The following CDH13 variants were observed in gnomAD, a reference collection of about 807,000 sequenced individuals.
CDH13 encodes cadherin-13.
CDH13 carries 24 observed loss-of-function variants against 63.8 expected under a neutral mutation model. That is an observed-to-expected ratio of 0.38 (90% CI 0.27 to 0.53). The LOEUF (loss-of-function observed/expected upper bound fraction) is 0.53, where lower values mean the gene tolerates loss of function less well. CDH13 is among the 20% of genes least tolerant of loss of function. The probability of loss-of-function intolerance (pLI) is 0.85; values close to 1 mark genes in which losing one functional copy is unlikely to be tolerated. For synonymous variants in CDH13, 503 were observed against 355.3 expected, an observed-to-expected ratio of 1.42 and a Z score of -4.67; for missense variants, 1,049 against 903.1, an observed-to-expected ratio of 1.16 and a Z score of -2.07.
intron 6 of CDH13, among the ~76,000 whole-genome samples, chr16:83,400,087 G>A (rs2091945212): frequency 6.6e-6 from 1 of 151,756 alleles, no homozygotes; most frequent in Admixed American, 6.6e-5. Flanking sequence ...AATTAGAAGG[G>A]AAGGAGCATG....
intron 2 of CDH13, among the ~76,000 whole-genome samples, chr16:82,906,867 C>G (rs1444948401): frequency 1.3e-5 from 2 of 152,174 alleles, no homozygotes; most frequent in African/African-American, 4.8e-5. Context: ...TCTTCTGCCT[C>G]TCTGTCTGTG....
intron 5 of CDH13, among the ~76,000 whole-genome samples, chr16:83,342,843 G>GTT (rs778316746): frequency 0.085 from 5,557 of 65,114 alleles, 328 homozygotes; most frequent in African/African-American, 0.15. Context: ...TTTTGTTTCT[G>GTT]TTTTTTTTTT....
chr16:83,138,435 AAGAGC>A (rs1172104480), intron 4 of CDH13, among the ~76,000 whole-genome samples: 1 of 152,180 alleles, frequency 6.6e-6, no homozygotes, highest in Admixed American at 6.5e-5. Flanking sequence ...AAGGACGCCT[AAGAGC>A]AGGCAACGCG....
At chr16:83,309,801 C>A (rs1306450859) in intron 5 of CDH13, among the ~76,000 whole-genome samples, 2 of 151,670 alleles carry the variant, frequency 1.3e-5, no homozygotes, top group Non-Finnish European at 2.9e-5. Context: ...TGCTATAACT[C>A]CCATGGGATT....
At chr16:83,485,099 T>C (rs1218976525) in intron 6 of CDH13, among the ~76,000 whole-genome samples, 2 of 152,232 alleles carry the variant, frequency 1.3e-5, no homozygotes, top group Non-Finnish European at 2.9e-5. Flanking sequence ...TACAGTCTTT[T>C]TAAGCTGCTG....
intron 2 of CDH13, among the ~76,000 whole-genome samples, chr16:82,881,150 A>C (rs2040688303): frequency 1.3e-5 from 2 of 152,158 alleles, no homozygotes; most frequent in African/African-American, 4.8e-5. Context: ...GCAAAGGGTG[A>C]TCAATGGCTG....
chr16:83,603,237 T>C (rs764673474), intron 8 of CDH13, among the ~76,000 whole-genome samples: 5 of 152,234 alleles, frequency 3.3e-5, no homozygotes, highest in Non-Finnish European at 5.9e-5. Context: ...CACATTCTGA[T>C]GGAAATGTGC....
chr16:83,055,037 C>T (rs2030774193), intron 3 of CDH13, among the ~76,000 whole-genome samples: 1 of 151,836 alleles, frequency 6.6e-6, no homozygotes, highest in Admixed American at 6.6e-5. Flanking sequence ...AACAAAAAAA[C>T]TAAAGGATCC....
At chr16:82,652,697 C>A (rs758288268) in intron 1 of CDH13, among the ~76,000 whole-genome samples, 4 of 150,796 alleles carry the variant, frequency 2.7e-5, no homozygotes, top group Middle Eastern at 3.5e-3. Flanking sequence ...GCCTGCATTA[C>A]CTAGAATTGT....
At chr16:83,090,210 G>A (rs2033824715) in intron 3 of CDH13, among the ~76,000 whole-genome samples, 1 of 152,080 alleles carries the variant, frequency 6.6e-6, no homozygotes, top group East Asian at 1.9e-4. Flanking sequence ...GCTCTTTCGT[G>A]CCTCCAGCCC....
chr16:83,253,215 A>G (rs1905796175), intron 5 of CDH13, among the ~76,000 whole-genome samples: 1 of 152,174 alleles, frequency 6.6e-6, no homozygotes, highest in African/African-American at 2.4e-5. Flanking sequence ...TTATTTTTCT[A>G]TTTTATGATT....
At chr16:83,256,674 C>CCA in intron 5 of CDH13, among the ~76,000 whole-genome samples, 1 of 115,630 alleles carries the variant, frequency 8.6e-6, no homozygotes, top group South Asian at 3.0e-4. Flanking sequence ...TACTAAAATA[C>CCA]AAAAAAAAAA....
At chr16:83,363,553 G>A (rs147146300) in intron 6 of CDH13, among the ~76,000 whole-genome samples, 2 of 152,252 alleles carry the variant, frequency 1.3e-5, no homozygotes, top group African/African-American at 4.8e-5. Context: ...GTGGTGAGAG[G>A]CATCACTGAA....
intron 7 of CDH13, among the ~76,000 whole-genome samples, chr16:83,505,394 C>A (rs1435212735): frequency 6.6e-6 from 1 of 152,106 alleles, no homozygotes; most frequent in African/African-American, 2.4e-5. Flanking sequence ...GCAGATTCCT[C>A]CCCCAGGACC....
At chr16:83,090,742 A>T (rs2033866047) in intron 3 of CDH13, among the ~76,000 whole-genome samples, 2 of 152,160 alleles carry the variant, frequency 1.3e-5, no homozygotes, top group Admixed American at 1.3e-4. Flanking sequence ...CTTTAAAACA[A>T]CAATTAGACC....
chr16:82,982,575 T>A (rs981809857), intron 2 of CDH13, among the ~76,000 whole-genome samples: 6 of 152,206 alleles, frequency 3.9e-5, no homozygotes, highest in African/African-American at 1.2e-4. Context: ...TGTGGAAGAT[T>A]TTTTCTGATT....
chr16:83,326,680 GC>G (rs1398565094), intron 5 of CDH13, among the ~76,000 whole-genome samples: 8 of 152,218 alleles, frequency 5.3e-5, no homozygotes, highest in Non-Finnish European at 1.2e-4. Context: ...TCTCTGCATG[GC>G]CCGCAAACAT....
chr16:83,199,417 C>G (rs1334106103), intron 4 of CDH13, among the ~76,000 whole-genome samples: 1 of 152,210 alleles, frequency 6.6e-6, no homozygotes, highest in Non-Finnish European at 1.5e-5. Context: ...TCAGAGTGTT[C>G]TGTACCTGTT....
At position 82,870,127 on chromosome 16, in the gene CDH13, GA is replaced by G. The variant is rs142721133; in HGVS notation, c.157+11663del. On this transcript the variant is annotated intron_variant, in intron 2 of 13. Transcript: ENST00000567109. ...TATAAGGAAGTCAAACAACTCAATA[GA>G]AAAAAAAATCTCATTAAAAATGGGC... Among the ~76,000 whole-genome samples the G allele has an allele frequency of 3.1e-3, 468 of 150,490 alleles. 12 individuals are homozygous for G. The highest frequency in any genetic ancestry group is 4.7e-4 in the Non-Finnish European group (32 of 67,538).
Sources: allele counts gnomAD v4.1 joint callset (sites outside exome capture counted in the v4.1 genomes callset), GRCh38; gene constraint gnomAD v4.1.1; transcripts MANE v1.5; gene names NCBI Gene and HGNC (gene_info 2026-07-23, HGNC 2026-07-21).